Variants in CDCP1 observed in about 807,000 individuals in gnomAD.
CDCP1 encodes the protein CUB domain-containing protein 1.
In CDCP1, 29 loss-of-function variants were observed where a neutral mutation model predicts 60.2. The observed-to-expected ratio is 0.48, with a 90% CI of 0.36 to 0.66. The LOEUF is 0.66. CDCP1 is among the 30% of genes least tolerant of loss of function. The pLI is 0.00. For synonymous variants in CDCP1, 387 were observed against 431.1 expected (o/e 0.90, Z 1.27); for missense variants, 876 against 1,074.3 (o/e 0.82, Z 2.58).
At chr3:45,113,775 A>G (rs756739058) in intron 2 of CDCP1, among the ~76,000 whole-genome samples, 3 of 152,234 alleles carry the variant, frequency 2.0e-5, no homozygotes, top group Non-Finnish European at 4.4e-5. Context: ...AACCAATAAC[A>G]CAGGGTTAGA....
At chr3:45,124,683 C>G in intron 1 of CDCP1, among the ~76,000 whole-genome samples, 1 of 152,188 alleles carries the variant, frequency 6.6e-6, no homozygotes, top group East Asian at 1.9e-4. Context: ...TTCCTCCATC[C>G]ATGGAGCAGA....
chr3:45,087,129 C>T (rs1454343088), intron 8 of CDCP1, among the ~76,000 whole-genome samples: 3 of 152,182 alleles, frequency 2.0e-5, no homozygotes, highest in African/African-American at 7.2e-5. Context: ...TCTTTTCAGT[C>T]CCCCTGCCCC....
chr3:45,094,504 G>C (rs901857134), intron 5 of CDCP1, among the ~76,000 whole-genome samples: 7 of 152,134 alleles, frequency 4.6e-5, no homozygotes, highest in African/African-American at 1.7e-4. Flanking sequence ...CAAGTTATCT[G>C]CCTGCCTCGG....
chr3:45,131,770 TA>T (rs1699098451), intron 1 of CDCP1, among the ~76,000 whole-genome samples: 1 of 151,894 alleles, frequency 6.6e-6, no homozygotes, highest in African/African-American at 2.4e-5. Flanking sequence ...TCACGAAAAA[TA>T]AGGATTTCCC....
intron 4 of CDCP1, among the ~76,000 whole-genome samples, chr3:45,104,693 T>C (rs1698532161): frequency 6.6e-6 from 1 of 152,236 alleles, no homozygotes; most frequent in Non-Finnish European, 1.5e-5. Flanking sequence ...ATCTGTGATC[T>C]GGACACAGTT....
At position 45,091,039 on chromosome 3, in the gene CDCP1, G is replaced by A. The variant is rs1386633989; in HGVS notation, c.1993+134C>T. On this transcript the variant is annotated intron_variant, in intron 7 of 8. Coordinates refer to ENST00000296129, the MANE Select transcript of CDCP1 (RefSeq NM_022842.5). This position sits in a 1 kb window ranked among gnomAD's most constrained non-coding sequence, Gnocchi z 4.8. ...GGATGGTTTGTTACTCAGCACTATTGATGCAATAGCTGACTGATACATGGA... is the reference window on the plus strand; with the variant it reads ...GGATGGTTTGTTACTCAGCACTATTAATGCAATAGCTGACTGATACATGGA... The A allele has an allele frequency of 7.3e-6, 7 of 960,338 alleles. No homozygotes were observed. The highest frequency in any genetic ancestry group is 2.5e-5 in the Admixed American group (1 of 39,248). The allele number at this position is 960,338 out of a possible 1,614,324, so 59.5% of individuals were successfully genotyped here.
chr3:45,091,347 T>C lies in CDCP1; in HGVS notation c.1819A>G (p.Ile607Val), dbSNP rs1698292747. ...GCCCGGGTCCGCTGCTCCTGGATGA[T>C]CATGAATGCGCGCCCTGTCTGGCAG... ...VVCQTGRAFMIIQEQRTRAEE... is the reference protein window; with the variant it reads ...VVCQTGRAFMVIQEQRTRAEE... Residue 607 changes from isoleucine to valine, a missense_variant, in exon 7 of 9, where the codon ATC (isoleucine) becomes GTC (valine). Physicochemically the swap from Ile to Val is conservative, Grantham distance 29. This residue lies in a region of CDCP1 where 726 missense variants were observed against 935.7 expected (regional missense o/e 0.78). Transcript: ENST00000296129. The surrounding 1 kb of genome is among the most constrained non-coding windows in gnomAD (Gnocchi z 4.8). 1 of 1,614,002 alleles carries C rather than the reference T, an allele frequency of 6.2e-7. No homozygotes were observed. The highest frequency in any genetic ancestry group is 1.3e-5 in the African/African-American group (1 of 74,890).
At chr3:45,092,242 A>T (rs1343588032) in intron 6 of CDCP1, among the ~76,000 whole-genome samples, 1 of 152,180 alleles carries the variant, frequency 6.6e-6, no homozygotes, top group Non-Finnish European at 1.5e-5. Flanking sequence ...AGTTTCCCAA[A>T]CTGGTGGTTA....
At chr3:45,097,361 TTTTC>T (rs1245176530) in intron 4 of CDCP1, among the ~76,000 whole-genome samples, 1 of 152,004 alleles carries the variant, frequency 6.6e-6, no homozygotes, top group East Asian at 1.9e-4. Context: ...TAGGGATACC[TTTTC>T]AACTCTTTAG....
chr3:45,114,015 C>G (rs927995661), intron 2 of CDCP1, among the ~76,000 whole-genome samples: 1 of 152,202 alleles, frequency 6.6e-6, no homozygotes, highest in Admixed American at 6.5e-5. Context: ...AAGGCAGTGA[C>G]TCTTAGCTCT....
chr3:45,127,535 T>C (rs1428274098), intron 1 of CDCP1, among the ~76,000 whole-genome samples: 1 of 152,218 alleles, frequency 6.6e-6, no homozygotes, highest in Non-Finnish European at 1.5e-5. Flanking sequence ...TAGACAGCTG[T>C]CAATGAGACT....
At chr3:45,088,134 C>T (rs932331336) in intron 8 of CDCP1, among the ~76,000 whole-genome samples, 1 of 152,164 alleles carries the variant, frequency 6.6e-6, no homozygotes, top group Non-Finnish European at 1.5e-5. Flanking sequence ...AGAATTTATA[C>T]AGTTTGGCGG....
chr3:45,146,040 G>A (rs1256634636), intron 1 of CDCP1, among the ~76,000 whole-genome samples, 166 bp downstream of exon 1: 2 of 151,872 alleles, frequency 1.3e-5, no homozygotes, highest in African/African-American at 4.8e-5. Flanking sequence ...CGAACAGTCC[G>A]GGGGTCCCGG....
At chr3:45,106,756 A>G (rs1698573377) in intron 4 of CDCP1, among the ~76,000 whole-genome samples, 1 of 152,152 alleles carries the variant, frequency 6.6e-6, no homozygotes, top group Admixed American at 6.6e-5. Context: ...AGGAAGGTCA[A>G]GTTAGGGCAA....
At position 45,085,346 on chromosome 3, in the gene CDCP1, T is replaced by C; in HGVS notation, c.*292A>G. ...CTGAATCCAGGGCTTGCTGCAACCC[T>C]ATGCTAGGTGACTCAGGCCTCTCTC... On this transcript the variant is annotated 3_prime_UTR_variant, in exon 9 of 9. Coordinates refer to ENST00000296129, the MANE Select transcript of CDCP1 (RefSeq NM_022842.5). This position sits in a 1 kb window ranked among gnomAD's most constrained non-coding sequence, Gnocchi z 4.2. The C allele has an allele frequency of 5.6e-6, 2 of 357,022 alleles. No individual in the cohort carries two copies. The allele number at this position is 357,022 out of a possible 1,614,324, so 22.1% of individuals were successfully genotyped here.
Position 45,091,071 on chromosome 3 carries a change from G to A in CDCP1, c.1993+102C>T. 2.3e-6 allele frequency: 3 copies of A among 1,305,056 alleles called. No individual in the cohort carries two copies. The highest frequency in any genetic ancestry group is 3.2e-6 in the Non-Finnish European group (3 of 943,558). 80.8% of individuals were successfully genotyped at this position (1,305,056 alleles called of 1,614,324 possible). On this transcript the variant is annotated intron_variant, in intron 7 of 8. Transcript: ENST00000296129. The surrounding 1 kb of genome is among the most constrained non-coding windows in gnomAD (Gnocchi z 4.8). Reference sequence around the variant, plus strand: ...TAGCTGACTGATACATGGACAGTCAGGACTCAATCTGTGATTCTGACTTGT... The same window carrying A: ...TAGCTGACTGATACATGGACAGTCAAGACTCAATCTGTGATTCTGACTTGT...
chr3:45,116,974 T>C (rs1019144584), intron 2 of CDCP1, among the ~76,000 whole-genome samples: 3 of 152,234 alleles, frequency 2.0e-5, no homozygotes, highest in African/African-American at 7.2e-5. Context: ...TAATGCTGTA[T>C]ATTTGTATTT....
chr3:45,110,557 G>T lies in CDCP1; in HGVS notation c.940C>A (p.Gln314Lys), dbSNP rs762337459. 6.2e-7 allele frequency: 1 copy of T among 1,614,238 alleles called. No homozygotes were observed. The change falls in exon 4 of 9, where the codon CAA (glutamine) becomes AAA (lysine). Residue 314 changes from glutamine to lysine, a missense_variant. Gln to Lys is a moderately conservative substitution (Grantham distance 53). Transcript: ENST00000296129. ...NMAGNFNLSL[Q>K]GCDQDAQSPG... ...CTTTGGGCATCTTGGTCACAGCCTTGCAGAGAGAGGTTGAAGTTCCCCGCC... is the reference window on the plus strand; with the variant it reads ...CTTTGGGCATCTTGGTCACAGCCTTTCAGAGAGAGGTTGAAGTTCCCCGCC...
At chr3:45,115,006 T>C (rs185981784) in intron 2 of CDCP1, among the ~76,000 whole-genome samples, 5 of 152,310 alleles carry the variant, frequency 3.3e-5, no homozygotes, top group Non-Finnish European at 7.3e-5. Flanking sequence ...TGTTACATTT[T>C]TCCTTTTTCA....
Sources: allele counts gnomAD v4.1 joint callset (sites outside exome capture counted in the v4.1 genomes callset), GRCh38; gene constraint gnomAD v4.1.1; regional missense constraint gnomAD v4.1.1; non-coding constraint Gnocchi (gnomAD v3.1); transcripts MANE v1.5; gene names NCBI Gene and HGNC (gene_info 2026-07-23, HGNC 2026-07-21).